Variants in SLC30A10 observed in about 807,000 individuals in gnomAD.
SLC30A10 encodes the protein solute carrier family 30 member 10, also known as calcium/manganese antiporter SLC30A10.
In SLC30A10, 8 loss-of-function variants were observed where a neutral mutation model predicts 21.7. The ratio of observed to expected loss-of-function variants is 0.37; its 90% confidence interval spans 0.22 to 0.67. The LOEUF (loss-of-function observed/expected upper bound fraction) is 0.67. Among genes scored for constraint, SLC30A10 ranks in the 30% least tolerant of loss-of-function variants. The pLI is 0.58. For missense variants in SLC30A10, 521 were observed against 642.5 expected (o/e 0.81, Z 2.04); for synonymous variants, 272 against 279.4 (o/e 0.97, Z 0.26).
chr1:219,949,731 C>T (rs143941544), intron 1 of SLC30A10, among the ~76,000 whole-genome samples: 5,653 of 150,052 alleles, frequency 0.038, 277 homozygotes, highest in African/African-American at 0.11. Context: ...GCACATGTAC[C>T]CTAAAACTTA....
Position 219,915,765 on chromosome 1 carries a change from T to G in SLC30A10, c.1142A>C (p.Gln381Pro). The change falls in exon 4 of 4, where the codon CAG (glutamine) becomes CCG (proline). Residue 381 changes from glutamine (Q) to proline (P), a missense_variant. Gln to Pro is a moderately conservative substitution (Grantham distance 76, BLOSUM62 -1). Coordinates refer to ENST00000366926, the MANE Select transcript of SLC30A10 (RefSeq NM_018713.3). ...TTCCTTCAAGTCCACATTTTCAAACTGGATGGTCACATTGTGGATTCCCGC... is the reference window on the plus strand; with the variant it reads ...TTCCTTCAAGTCCACATTTTCAAACGGGATGGTCACATTGTGGATTCCCGC... ...HHAGIHNVTI[Q>P]FENVDLKEPL... The G allele has an allele frequency of 1.9e-6, 3 of 1,614,206 alleles. No homozygotes were observed. The highest frequency in any genetic ancestry group is 2.5e-6 in the Non-Finnish European group (3 of 1,180,024).
chr1:219,918,084 G>A lies in SLC30A10; in HGVS notation c.958+171C>T, dbSNP rs933633948. ...GATTGCAAAGGACCTTTGGTACTTGGAGCTGAGTCATCTTAATAGGCTATA... is the reference window on the plus strand; with the variant it reads ...GATTGCAAAGGACCTTTGGTACTTGAAGCTGAGTCATCTTAATAGGCTATA... On this transcript the variant is annotated intron_variant, in intron 3 of 3. Coordinates refer to ENST00000366926, the MANE Select transcript of SLC30A10 (RefSeq NM_018713.3). The surrounding 1 kb of genome is among the most constrained non-coding windows in gnomAD (Gnocchi z 4.4). 6.6e-6 allele frequency among the ~76,000 whole-genome samples: 1 copy of A among 152,140 alleles called. No individual in the cohort carries two copies. The highest frequency in any genetic ancestry group is 2.4e-5 in the African/African-American group (1 of 41,436).
rs141245363 is a variant in SLC30A10, at chr1:219,920,491, T to C, written c.719-1997A>G. The stretch of plus-strand genomic sequence containing the variant: ...ATTTCCTCCGTAAGTAACATGAGGA[T>C]CAGGGCCATACTCCAAATTGCCTTT... On this transcript the variant is annotated intron_variant, in intron 2 of 3. Transcript: ENST00000366926. 8.1e-3 allele frequency among the ~76,000 whole-genome samples: 1,230 copies of C among 152,288 alleles called. 14 individuals carry two copies. The highest frequency in any genetic ancestry group is 0.028 in the African/African-American group (1,171 of 41,560).
At position 219,910,904 on chromosome 1, in the gene SLC30A10, T is replaced by G. The variant is rs894137664; in HGVS notation, c.*4545A>C. Among the ~76,000 whole-genome samples, 1 of 152,182 alleles carries G rather than the reference T, an allele frequency of 6.6e-6. No homozygotes were observed. Among genetic ancestry groups the G allele is most frequent in the Non-Finnish European group, 1.5e-5 (1 of 68,026 alleles). ...TCGTCTGCATTATCTAAACTCCAGATGGGTAAGAACATGCAGATTACATTG... is the reference window on the plus strand; with the variant it reads ...TCGTCTGCATTATCTAAACTCCAGAGGGGTAAGAACATGCAGATTACATTG... On this transcript the variant is annotated 3_prime_UTR_variant, in exon 4 of 4. Transcript: ENST00000366926.
At chr1:219,916,068 C>A in intron 3 of SLC30A10, 120 bp from the exon 4 acceptor site, 2 of 1,280,030 alleles carry the variant, frequency 1.6e-6, no homozygotes, top group South Asian at 2.9e-5. Context: ...TTACTACGAA[C>A]AGCTGGAAGA....
At chr1:219,941,704 C>G (rs1317639375) in intron 1 of SLC30A10, among the ~76,000 whole-genome samples, 2 of 151,100 alleles carry the variant, frequency 1.3e-5, no homozygotes, top group Non-Finnish European at 1.5e-5. Flanking sequence ...CTCTCTCTCT[C>G]TCTCTCCCCC....
intron 2 of SLC30A10, among the ~76,000 whole-genome samples, chr1:219,921,440 A>G (rs1020513095): frequency 6.6e-6 from 1 of 152,220 alleles, no homozygotes; most frequent in African/African-American, 2.4e-5. Context: ...ATCCTGCCTC[A>G]TGTAAGTTCT....
At chr1:219,926,954 T>G in intron 2 of SLC30A10, 74 bp downstream of exon 2, 1 of 1,240,252 alleles carries the variant, frequency 8.1e-7, no homozygotes, top group Non-Finnish European at 1.2e-6. Flanking sequence ...TTATTAAAAG[T>G]CAAACAGAAA....
rs1280130208 is a variant in SLC30A10 at position 219,918,409 on chromosome 1, C to T, written c.804G>A (p.Lys268=). 6.2e-7 allele frequency: 1 copy of T among 1,613,980 alleles called. No homozygotes were observed. Among genetic ancestry groups the T allele is most frequent in the Non-Finnish European group, 8.5e-7 (1 of 1,180,040 alleles). Residue 268 remains lysine (K), a synonymous_variant, in exon 3 of 4, where the codon AAG becomes AAA. Coordinates refer to ENST00000366926, the MANE Select transcript of SLC30A10 (RefSeq NM_018713.3). The surrounding 1 kb of genome is among the most constrained non-coding windows in gnomAD (Gnocchi z 4.4). ...TAIIFYVLPL[K]SEDPCNWQCY... ...ACTGCCAGTTACACGGGTCCTCACT[C>T]TTCAGGGGAAGCACATAGAATATGA...
chr1:219,937,980 G>A lies in SLC30A10; in HGVS notation n.81-10875C>T, dbSNP rs935116186. ...GGAGTTCTGACAGTTCATGTTCATT[G>A]TTTTATCTGAAAATTTCTTCTGTCA... On this transcript the variant is annotated intron_variant and non_coding_transcript_variant, in intron 1 of 8. Transcript: ENST00000484239. Among the ~76,000 whole-genome samples the A allele has an allele frequency of 2.0e-5, 3 of 152,166 alleles. No homozygotes were observed. The East Asian group carries it at 5.8e-4, about 29-fold the overall frequency.
intron 2 of SLC30A10, among the ~76,000 whole-genome samples, chr1:219,925,021 A>G (rs1386951295): frequency 1.3e-5 from 2 of 152,150 alleles, no homozygotes; most frequent in Non-Finnish European, 2.9e-5. Flanking sequence ...CTAAAGGTGC[A>G]CTGGTGTCAG....
intron 1 of SLC30A10, among the ~76,000 whole-genome samples, chr1:219,957,259 C>T (rs1660365889): frequency 6.6e-6 from 1 of 152,094 alleles, no homozygotes; most frequent in Admixed American, 6.5e-5. Context: ...TACAGATACT[C>T]TCATAACATA....
chr1:219,912,586 G>A lies in SLC30A10; in HGVS notation c.*2863C>T, dbSNP rs1489692980. Reference sequence around the variant, plus strand: ...GCAGTGGCTTACGCCTGTAATCCCAGCACTTTGGGAGGCCGAGGTGGGTGG... The same window carrying A: ...GCAGTGGCTTACGCCTGTAATCCCAACACTTTGGGAGGCCGAGGTGGGTGG... On this transcript the variant is annotated 3_prime_UTR_variant, in exon 4 of 4. Coordinates refer to ENST00000366926, the MANE Select transcript of SLC30A10 (RefSeq NM_018713.3). 6.6e-6 allele frequency among the ~76,000 whole-genome samples: 1 copy of A among 152,190 alleles called. No individual in the cohort carries two copies. The highest frequency in any genetic ancestry group is 1.5e-5 in the Non-Finnish European group (1 of 68,042).
intron 1 of SLC30A10, among the ~76,000 whole-genome samples, chr1:219,937,838 A>G (rs1167090037): frequency 6.6e-6 from 1 of 152,086 alleles, no homozygotes; most frequent in Non-Finnish European, 1.5e-5. Context: ...TCCTTAATCA[A>G]TTTCTCCACC....
At position 219,913,726 on chromosome 1, in the gene SLC30A10, C is replaced by G. The variant is rs1420516859; in HGVS notation, c.*1723G>C. ...TCCTAGAAATAAAAACATTTTTAGGCATTTTTCTATTTACCTACTTCACAG... is the reference window on the plus strand; with the variant it reads ...TCCTAGAAATAAAAACATTTTTAGGGATTTTTCTATTTACCTACTTCACAG... On this transcript the variant is annotated 3_prime_UTR_variant, in exon 4 of 4. Coordinates refer to ENST00000366926, the MANE Select transcript of SLC30A10 (RefSeq NM_018713.3). 6.6e-6 allele frequency: 1 copy of G among 152,122 alleles called. No homozygotes were observed. Among genetic ancestry groups the G allele is most frequent in the Non-Finnish European group, 1.5e-5 (1 of 68,022 alleles). 9.4% of individuals were successfully genotyped at this position (152,122 alleles called of 1,614,324 possible). A position where few individuals can be genotyped will look rare whatever the true frequency, so the allele number is the denominator to read the frequency against.
chr1:219,945,458 T>A (rs565818848), intron 1 of SLC30A10, among the ~76,000 whole-genome samples: 1 of 152,266 alleles, frequency 6.6e-6, no homozygotes, highest in East Asian at 1.9e-4. Context: ...AATGGGCAGG[T>A]TAATGAGAAC....
intron 1 of SLC30A10, among the ~76,000 whole-genome samples, chr1:219,956,483 A>C (rs28473426): frequency 0.46 from 69,586 of 151,454 alleles, 16,042 homozygotes; most frequent in South Asian, 0.52. Context: ...AAATACTTCA[A>C]AACAAGCTAG....
chr1:219,957,806 G>A (rs1393852750), intron 1 of SLC30A10, among the ~76,000 whole-genome samples: 1 of 127,122 alleles, frequency 7.9e-6, no homozygotes, highest in East Asian at 2.4e-4. Flanking sequence ...AAAGAAACAT[G>A]ATTCCATCTT....
chr1:219,912,196 A>G lies in SLC30A10; in HGVS notation c.*3253T>C, dbSNP rs2378342. ...AAAAAAAAAAAAAAAAAAAAAAAAA[A>G]GAACTAAATATGGAGAATATTCTTA... On this transcript the variant is annotated 3_prime_UTR_variant, in exon 4 of 4. Transcript: ENST00000366926. Among the ~76,000 whole-genome samples the G allele has an allele frequency of 7.4e-6, 1 of 135,264 alleles. No individual in the cohort carries two copies. Among genetic ancestry groups the G allele is most frequent in the Non-Finnish European group, 1.6e-5 (1 of 61,454 alleles). The allele number at this position is 135,264 out of a possible 152,430, so 88.7% of individuals were successfully genotyped here. A position where few individuals can be genotyped will look rare whatever the true frequency, so the allele number is the denominator to read the frequency against.
Sources: allele counts gnomAD v4.1 joint callset (sites outside exome capture counted in the v4.1 genomes callset), GRCh38; gene constraint gnomAD v4.1.1; non-coding constraint Gnocchi (gnomAD v3.1); transcripts MANE v1.5; gene names NCBI Gene and HGNC (gene_info 2026-07-23, HGNC 2026-07-21).